The following CHD8 variants were observed in gnomAD, a reference collection of about 807,000 sequenced individuals.
CHD8 encodes the protein chromodomain helicase DNA binding protein 8.
A neutral mutation model predicts 279.2 loss-of-function variants in CHD8; 31 were observed. The observed-to-expected ratio is 0.11, with a 90% CI of 0.08 to 0.15. CHD8 has a LOEUF of 0.15. Among genes scored for constraint, CHD8 ranks in the 10% least tolerant of loss-of-function variants. CHD8 has a pLI of 1.00. For missense variants in CHD8, 2,146 were observed against 3,230.5 expected (o/e 0.66, Z 8.14); for synonymous variants, 1,081 against 1,139.6 (o/e 0.95, Z 1.04).
chr14:21,423,812 T>G (rs1889165961), intron 5 of CHD8, among the ~76,000 whole-genome samples: 2 of 152,216 alleles, frequency 1.3e-5, no homozygotes, highest in African/African-American at 2.4e-5. Context: ...ATGTGTACAT[T>G]TAATCCTTGA....
At position 21,439,204 on chromosome 14, in the gene CHD8, T is replaced by C. The variant is rs149155320; in HGVS notation, c.-215-7346A>G. On this transcript the variant is annotated intron_variant, in intron 1 of 37. Transcript: ENST00000646647. ...AGTATCCTCAACATTGAAATCCTAT[T>C]TTCTTATACTCTGAGGACACAAATT... Among the ~76,000 whole-genome samples the C allele has an allele frequency of 2.0e-4, 31 of 152,310 alleles. 1 individual carries two copies. The highest frequency in any genetic ancestry group is 3.8e-4 in the Non-Finnish European group (26 of 68,018).
rs1227109491 is a variant in CHD8, at chr14:21,399,664, A to G, written c.4859T>C (p.Val1620Ala). ...CTCACTGTCCCACCAAGTTGTTGGA[A>G]CCTCCAGTTGATCCACTACTGGGAA... ...IWFPVVDQLE[V>A]PTTWWDSEAD... The change falls in exon 26 of 38, where the codon GTT becomes GCT. Residue 1620 changes from valine to alanine, a missense_variant. By Grantham distance (64) the Val-to-Ala change is moderately conservative. Transcript: ENST00000646647. The G allele has an allele frequency of 6.2e-7, 1 of 1,613,742 alleles. No homozygotes were observed. The highest frequency in any genetic ancestry group is 2.2e-5 in the East Asian group (1 of 44,874).
chr14:21,425,476 T>A (rs1889272582), intron 5 of CHD8: 2 of 151,924 alleles, frequency 1.3e-5, no homozygotes, highest in African/African-American at 4.8e-5. Context: ...GGGTGCCTGC[T>A]ACCACACCTG....
intron 10 of CHD8, among the ~76,000 whole-genome samples, chr14:21,412,584 T>C (rs929600965): frequency 2.6e-5 from 4 of 152,178 alleles, no homozygotes; most frequent in Admixed American, 6.5e-5. Context: ...TTTAGGAATT[T>C]GTGAAGTATC....
intron 1 of CHD8, among the ~76,000 whole-genome samples, chr14:21,432,268 T>C (rs1203028832): frequency 6.6e-6 from 1 of 152,214 alleles, no homozygotes; most frequent in African/African-American, 2.4e-5. Flanking sequence ...GGTTTCTGGA[T>C]ATATTCTATT....
intron 5 of CHD8, chr14:21,416,129 T>C (rs1888712395): frequency 2.4e-6 from 1 of 414,972 alleles, no homozygotes; most frequent in African/African-American, 2.0e-5. Flanking sequence ...AAGAATCCAC[T>C]GAGAAAAACC....
intron 1 of CHD8, among the ~76,000 whole-genome samples, chr14:21,433,906 A>C (rs533946157): frequency 6.6e-6 from 1 of 152,120 alleles, no homozygotes; most frequent in East Asian, 1.9e-4. Context: ...GATATTAATA[A>C]ATTTCCTTCC....
intron 9 of CHD8, 143 bp downstream of exon 9, chr14:21,414,158 G>C: frequency 1.7e-6 from 1 of 601,810 alleles, no homozygotes; most frequent in Non-Finnish European, 3.0e-6. Flanking sequence ...AGTTAAGTAA[G>C]GGAAGTCAAT....
chr14:21,389,414 C>A (rs1363300800), intron 37 of CHD8, among the ~76,000 whole-genome samples: 3 of 151,994 alleles, frequency 2.0e-5, no homozygotes, highest in African/African-American at 7.3e-5. Context: ...AGTTTGAGAA[C>A]AGTCTGGCCA....
chr14:21,414,155 T>C (rs1363806530), intron 9 of CHD8, 146 bp downstream of exon 9: 8 of 600,786 alleles, frequency 1.3e-5, no homozygotes, highest in Non-Finnish European at 2.4e-5. Flanking sequence ...GGCAGTTAAG[T>C]AAGGGAAGTC....
chr14:21,401,328 A>T, intron 21 of CHD8, 75 bp downstream of exon 21: 1 of 885,530 alleles, frequency 1.1e-6, no homozygotes, highest in East Asian at 2.7e-5. Flanking sequence ...GCATCAAATA[A>T]TCAGAGTAGC....
At chr14:21,430,728 G>T in intron 2 of CHD8, 73 bp downstream of exon 2, 1 of 910,782 alleles carries the variant, frequency 1.1e-6, no homozygotes, top group Non-Finnish European at 1.6e-6. Flanking sequence ...AAGCTCTCAT[G>T]TGCTCACTCT....
intron 30 of CHD8, 160 bp downstream of exon 30, chr14:21,394,752 G>T (rs532713497): frequency 4.3e-6 from 3 of 704,508 alleles, no homozygotes. Flanking sequence ...AATGATTACT[G>T]CATGCAAGTG....
chr14:21,386,131 T>A lies in CHD8; in HGVS notation c.7228A>T (p.Ile2410Phe), dbSNP rs750624945. The change falls in exon 38 of 38, where the codon ATT becomes TTT. Residue 2410 changes from isoleucine (I) to phenylalanine (F), a missense_variant. Ile to Phe is a conservative substitution (Grantham distance 21). This residue lies in a region of CHD8 where 336 missense variants were observed against 392.9 expected (regional missense o/e 0.86). Transcript: ENST00000646647. ...CGCTTCTTGCTGCTCTCTGGTGCAA[T>A]AGGCCCTGGCAAAACCCGGTTGAAC... is the stretch of plus-strand genomic sequence containing the variant. ...TVFNRVLPGPIAPESSKKRAR... is the reference protein window; with the variant it reads ...TVFNRVLPGPFAPESSKKRAR... 6.4e-7 allele frequency: 1 copy of A among 1,552,858 alleles called. No homozygotes were observed. The highest frequency in any genetic ancestry group is 1.2e-5 in the South Asian group (1 of 84,114).
Position 21,415,325 on chromosome 14 carries a change from A to G in CHD8, c.1968+249T>C, listed in dbSNP as rs59961991. On this transcript the variant is annotated intron_variant, in intron 7 of 37. Coordinates refer to ENST00000646647, the MANE Select transcript of CHD8 (RefSeq NM_001170629.2). ...ATTAAATAAAGCCTGTGAACATAGCATTACGGGTTAATATTAAGATAGAGA... is the reference window on the plus strand; with the variant it reads ...ATTAAATAAAGCCTGTGAACATAGCGTTACGGGTTAATATTAAGATAGAGA... 2.8e-3 allele frequency: 948 copies of G among 341,370 alleles called. 9 individuals carry two copies. The highest frequency in any genetic ancestry group is 0.019 in the African/African-American group (885 of 46,866). The allele number at this position is 341,370 out of a possible 1,614,324, so 21.1% of individuals were successfully genotyped here.
Position 21,408,190 on chromosome 14 carries a change from T to A in CHD8, c.2730+122A>T. The A allele has an allele frequency of 8.0e-7, 1 of 1,250,968 alleles. No individual in the cohort carries two copies. Among genetic ancestry groups the A allele is most frequent in the South Asian group, 1.5e-5 (1 of 65,390 alleles). The allele number at this position is 1,250,968 out of a possible 1,614,324, so 77.5% of individuals were successfully genotyped here. On this transcript the variant is annotated intron_variant, in intron 13 of 37. Coordinates refer to ENST00000646647, the MANE Select transcript of CHD8 (RefSeq NM_001170629.2). This position sits in a 1 kb window ranked among gnomAD's most constrained non-coding sequence, Gnocchi z 4.3. The stretch of plus-strand genomic sequence containing the variant: ...ACAAAAATGCCTTAAACCATAGGCA[T>A]TTTTGCATAGGCATATTGAAGACTT...
intron 1 of CHD8, among the ~76,000 whole-genome samples, chr14:21,451,783 A>T (rs1265117908): frequency 6.6e-6 from 1 of 152,124 alleles, no homozygotes; most frequent in Non-Finnish European, 1.5e-5. Context: ...CTAAGGGCCT[A>T]GTGAAGGATG....
chr14:21,440,697 CGAA>C (rs1259793917), intron 1 of CHD8, among the ~76,000 whole-genome samples: 2 of 152,020 alleles, frequency 1.3e-5, no homozygotes, highest in East Asian at 3.9e-4. Context: ...GTGTAAATCG[CGAA>C]GAAGGAACTG....
chr14:21,416,028 C>G (rs1360230300), intron 5 of CHD8, 121 bp from the exon 6 acceptor site: 1 of 785,866 alleles, frequency 1.3e-6, no homozygotes, highest in African/African-American at 1.7e-5. Context: ...AAAATCAGAC[C>G]AAAAGATGAT....
Sources: gnomAD v4.1 joint callset for allele counts (sites outside exome capture counted in the v4.1 genomes callset) on GRCh38, gnomAD v4.1.1 for gene constraint, gnomAD v4.1.1 regional missense constraint, Gnocchi (gnomAD v3.1) non-coding constraint, MANE v1.5 for transcripts, NCBI Gene and HGNC (gene_info 2026-07-23, HGNC 2026-07-21) for gene names.